AGO3: variants seen among roughly 807,000 people sequenced by gnomAD.
AGO3 encodes protein argonaute-3.
Under a neutral mutation model 105.5 loss-of-function variants are expected in AGO3, and 16 were observed. The observed-to-expected ratio is 0.15, with a 90% CI of 0.10 to 0.23. The LOEUF (loss-of-function observed/expected upper bound fraction) is 0.23, where lower values mean the gene tolerates loss of function less well. Ranked by LOEUF, AGO3 falls within the 10% of genes least tolerant of loss-of-function variation. The pLI is 1.00. For synonymous variants in AGO3, 340 were observed against 367.3 expected, an observed-to-expected ratio of 0.93 and a Z score of 0.85; for missense variants, 534 against 1,088.0, an observed-to-expected ratio of 0.49 and a Z score of 7.16.
In AGO3 at chr1:36,064,985, GGTGAAACCCT is replaced by G. The variant is rs1382852078; in HGVS notation, c.*9243_*9252del. ...AGTTGGAGACCAGCCTGCCCAATAT[GGTGAAACCCT>G]GTCTCTACTAAAATTACAAAAATTA... On this transcript the variant is annotated 3_prime_UTR_variant, in exon 19 of 19. Transcript: ENST00000373191. 6.6e-6 allele frequency: 1 copy of G among 151,946 alleles called. No homozygotes were observed. Among genetic ancestry groups the G allele is most frequent in the African/African-American group, 2.4e-5 (1 of 41,356 alleles). The allele number at this position is 151,946 out of a possible 1,614,324, so 9.4% of individuals were successfully genotyped here.
At chr1:35,966,657 A>G (rs938226831) in intron 2 of AGO3, among the ~76,000 whole-genome samples, 1 of 152,204 alleles carries the variant, frequency 6.6e-6, no homozygotes, top group Non-Finnish European at 1.5e-5. Context: ...GTGCTTAGAG[A>G]TGGTAAAAGA....
At chr1:35,940,313 C>T (rs550319078) in intron 1 of AGO3, among the ~76,000 whole-genome samples, 5 of 152,242 alleles carry the variant, frequency 3.3e-5, no homozygotes, top group East Asian at 1.9e-4. Flanking sequence ...GTGATCCGCC[C>T]GCGTCAGCCT....
In AGO3 at chr1:36,034,169, C is replaced by T; in HGVS notation, c.1592-5C>T. ...CTGACTAGAGGTTTTGCATCTATTC[C>T]ATAGCGGAAGTGAAACGTGTAGGAG... On this transcript the variant is annotated splice_region_variant and splice_polypyrimidine_tract_variant and intron_variant, in intron 12 of 18. Transcript: ENST00000373191. 2.0e-6 allele frequency: 3 copies of T among 1,526,696 alleles called. No homozygotes were observed. The highest frequency in any genetic ancestry group is 4.8e-5 in the East Asian group (2 of 42,028). 94.6% of individuals were successfully genotyped at this position (1,526,696 alleles called of 1,614,324 possible).
chr1:36,016,295 C>A (rs796199286), intron 11 of AGO3, among the ~76,000 whole-genome samples: 1 of 152,142 alleles, frequency 6.6e-6, no homozygotes, highest in African/African-American at 2.4e-5. Flanking sequence ...GGTTCTCCTG[C>A]CTCAGCCTCT....
rs1472025068 is a variant in AGO3 at position 35,970,873 on chromosome 1, G to A, written c.313-1151G>A. 2.6e-5 allele frequency among the ~76,000 whole-genome samples: 4 copies of A among 151,196 alleles called. No individual in the cohort carries two copies. In the East Asian group the frequency reaches 7.8e-4, roughly 29 times the overall value. On this transcript the variant is annotated intron_variant, in intron 3 of 18. Coordinates refer to ENST00000373191, the MANE Select transcript of AGO3 (RefSeq NM_024852.4). ...GCCTCTCAAGCAGCTAGGACCACAGGTGTGCACCACCACACCTGGCTAATT... is the reference window on the plus strand; with the variant it reads ...GCCTCTCAAGCAGCTAGGACCACAGATGTGCACCACCACACCTGGCTAATT...
chr1:36,056,147 G>C lies in AGO3; in HGVS notation c.*402G>C, dbSNP rs1240168450. ...CATGAATAATCAAAGTGATTTTTCA[G>C]AATTATGTGTGCAAAAAATTAATGT... On this transcript the variant is annotated 3_prime_UTR_variant, in exon 19 of 19. Transcript: ENST00000373191. 1 of 158,548 alleles carries C rather than the reference G, an allele frequency of 6.3e-6. No homozygotes were observed. Among genetic ancestry groups the C allele is most frequent in the Non-Finnish European group, 1.4e-5 (1 of 71,728 alleles). 9.8% of individuals were successfully genotyped at this position (158,548 alleles called of 1,614,324 possible). A position where few individuals can be genotyped will look rare whatever the true frequency, so the allele number is the denominator to read the frequency against.
intron 17 of AGO3, among the ~76,000 whole-genome samples, chr1:36,046,623 TAAAAA>T (rs3073806): frequency 1.7e-4 from 6 of 34,468 alleles, no homozygotes; most frequent in East Asian, 1.9e-3. Flanking sequence ...AGTCTCTATT[TAAAAA>T]AAAAAAAAAA....
At chr1:35,958,082 A>G (rs1646604124) in intron 2 of AGO3, among the ~76,000 whole-genome samples, 1 of 151,278 alleles carries the variant, frequency 6.6e-6, no homozygotes, top group African/African-American at 2.4e-5. Context: ...AAAAGAAAAA[A>G]GTATTAAAAA....
At chr1:35,961,297 C>T (rs371402891) in intron 2 of AGO3, among the ~76,000 whole-genome samples, 1 of 151,918 alleles carries the variant, frequency 6.6e-6, no homozygotes, top group Non-Finnish European at 1.5e-5. Flanking sequence ...GAGGGTATCG[C>T]GGATATTTCA....
intron 3 of AGO3, among the ~76,000 whole-genome samples, chr1:35,969,676 C>T (rs1646832692): frequency 6.6e-6 from 1 of 152,100 alleles, no homozygotes; most frequent in South Asian, 2.1e-4. Context: ...ATATGCTCTG[C>T]GAAATGTGTC....
chr1:35,973,330 T>C (rs1185755176), intron 4 of AGO3, 45 bp from the exon 5 acceptor site: 1 of 1,405,638 alleles, frequency 7.1e-7, no homozygotes, highest in Non-Finnish European at 9.4e-7. Flanking sequence ...TTTAAATACT[T>C]GCATGAGAAG....
At chr1:35,942,466 T>A (rs1320549070) in intron 1 of AGO3, among the ~76,000 whole-genome samples, 2 of 152,196 alleles carry the variant, frequency 1.3e-5, no homozygotes, top group African/African-American at 4.8e-5. Context: ...ACATCGGTGT[T>A]ATTTTTTTCC....
Position 36,055,806 on chromosome 1 carries a change from TTTCCAGTG to T in AGO3, c.*62_*69del. 5 of 1,563,698 alleles carry T rather than the reference TTTCCAGTG, an allele frequency of 3.2e-6. No individual in the cohort carries two copies. The highest frequency in any genetic ancestry group is 4.4e-6 in the Non-Finnish European group (5 of 1,138,442). Reference sequence around the variant, plus strand: ...AAGATGAATTGACATACAACGTATGTTTCCAGTGAAGTCAATTGAGTAAGGACACCTCC... The same window carrying T: ...AAGATGAATTGACATACAACGTATGTAAGTCAATTGAGTAAGGACACCTCC... On this transcript the variant is annotated 3_prime_UTR_variant, in exon 19 of 19. Transcript: ENST00000373191. This position sits in a 1 kb window ranked among gnomAD's most constrained non-coding sequence, Gnocchi z 4.4.
At position 36,027,084 on chromosome 1, in the gene AGO3, G is replaced by A. The variant is rs1481683537; in HGVS notation, c.1407-30G>A. On this transcript the variant is annotated intron_variant, in intron 11 of 18. Transcript: ENST00000373191. This position sits in a 1 kb window ranked among gnomAD's most constrained non-coding sequence, Gnocchi z 4.0. Reference sequence around the variant, plus strand: ...TTGTAGGAATTCATGACTAGACAAAGGTTTTATATTTAGTGGTTTCTCCTT... The same window carrying A: ...TTGTAGGAATTCATGACTAGACAAAAGTTTTATATTTAGTGGTTTCTCCTT... 1.3e-5 allele frequency: 21 copies of A among 1,587,804 alleles called. No homozygotes were observed. The highest frequency in any genetic ancestry group is 2.3e-5 in the South Asian group (2 of 88,256).
intron 17 of AGO3, among the ~76,000 whole-genome samples, chr1:36,049,602 A>G (rs1642619353): frequency 6.6e-6 from 1 of 152,064 alleles, no homozygotes; most frequent in Non-Finnish European, 1.5e-5. Flanking sequence ...TCTCACATGT[A>G]CCTCCTATAT....
chr1:36,037,312 A>C (rs1203836390), intron 14 of AGO3, among the ~76,000 whole-genome samples: 1 of 152,136 alleles, frequency 6.6e-6, no homozygotes, highest in Non-Finnish European at 1.5e-5. Context: ...GCTTGACGTC[A>C]GGAGTTCAAG....
chr1:35,963,448 A>G (rs1317463847), intron 2 of AGO3, among the ~76,000 whole-genome samples: 1 of 152,214 alleles, frequency 6.6e-6, no homozygotes, highest in Non-Finnish European at 1.5e-5. Flanking sequence ...GTAGGTATAC[A>G]TAGAAATAGA....
chr1:35,990,882 C>T (rs1041957850), intron 5 of AGO3, among the ~76,000 whole-genome samples: 12 of 152,096 alleles, frequency 7.9e-5, no homozygotes, highest in Admixed American at 3.3e-4. Flanking sequence ...ACTTTTCTTT[C>T]GGGTGGAATG....
At chr1:35,939,012 C>T (rs1003429962) in intron 1 of AGO3, among the ~76,000 whole-genome samples, 12 of 152,098 alleles carry the variant, frequency 7.9e-5, no homozygotes, top group African/African-American at 2.9e-4. Context: ...TTATCCAGTA[C>T]ATACAATAAC....
Sources: allele counts gnomAD v4.1 joint callset (sites outside exome capture counted in the v4.1 genomes callset), GRCh38; gene constraint gnomAD v4.1.1; non-coding constraint Gnocchi (gnomAD v3.1); transcripts MANE v1.5; gene names NCBI Gene and HGNC (gene_info 2026-07-23, HGNC 2026-07-21).